OPHN1: variants seen among roughly 807,000 people sequenced by gnomAD.
OPHN1 encodes oligophrenin-1.
In OPHN1, 11 loss-of-function variants were observed where a neutral mutation model predicts 60.7. The observed-to-expected ratio is 0.18, with a 90% CI of 0.11 to 0.30. The LOEUF (loss-of-function observed/expected upper bound fraction) is 0.30, where lower values mean the gene tolerates loss of function less well. Among genes scored for constraint, OPHN1 ranks in the 10% least tolerant of loss-of-function variants. The pLI, the probability that OPHN1 is intolerant of heterozygous loss-of-function variation, is 1.00. For synonymous variants in OPHN1, 226 were observed against 222.6 expected (o/e 1.02, Z -0.14); for missense variants, 449 against 611.0 (o/e 0.73, Z 2.80).
chrX:68,262,829 AAGGACAGGAC>A (rs4020603), intron 5 of OPHN1, among the ~76,000 whole-genome samples: 64 of 98,021 alleles, frequency 6.5e-4, no homozygotes, highest in African/African-American at 1.6e-3. Context: ...CAAGAAAGGA[AAGGACAGGAC>A]AGGACAGGAC....
Position 68,426,562 on chromosome X carries a change from AT to A in OPHN1, c.154+6304del, listed in dbSNP as rs1452108893. The stretch of plus-strand genomic sequence containing the variant: ...TTTCTGACATCTGTTTTATATATAT[AT>A]ATATATACATACACAGAGGCTGGGC... On this transcript the variant is annotated intron_variant, in intron 2 of 24. Coordinates refer to ENST00000355520, the MANE Select transcript of OPHN1 (RefSeq NM_002547.3). Among the ~76,000 whole-genome samples, 9 of 72,994 alleles carry A rather than the reference AT, an allele frequency of 1.2e-4. 1 individual carries two copies. The highest frequency in any genetic ancestry group is 2.3e-4 in the Non-Finnish European group (8 of 34,381). The allele number at this position is 72,994 out of a possible 115,157, so 63.4% of individuals were successfully genotyped here.
rs2147343704 is a variant in OPHN1 at position 68,048,399 on chromosome X, G to A, written c.*8+17C>T. The A allele has an allele frequency of 8.3e-7, 1 of 1,198,415 alleles. No individual in the cohort carries two copies. Among genetic ancestry groups the A allele is most frequent in the Admixed American group, 2.2e-5 (1 of 45,641 alleles). On this transcript the variant is annotated intron_variant, in intron 24 of 24. Transcript: ENST00000355520. ...ATGTGGAACAAGATTTTGTAATCAG[G>A]GATGGGGACTGCATACCTGTAGCCT...
chrX:68,330,591 G>A (rs2078289574), intron 2 of OPHN1, among the ~76,000 whole-genome samples: 1 of 109,837 alleles, frequency 9.1e-6, no homozygotes, highest in African/African-American at 3.3e-5. Context: ...TTGAGCCCAG[G>A]CGTTCGAGCC....
intron 15 of OPHN1, among the ~76,000 whole-genome samples, chrX:68,176,975 T>A (rs780272397): frequency 9.2e-5 from 7 of 75,998 alleles, no homozygotes; most frequent in Admixed American, 2.7e-4. Context: ...TATATATACA[T>A]ATATATATAT....
intron 2 of OPHN1, among the ~76,000 whole-genome samples, chrX:68,422,634 G>T (rs750671235): frequency 1.7e-5 from 1 of 59,386 alleles, no homozygotes; most frequent in Non-Finnish European, 3.6e-5. Context: ...GAAAGAAAAA[G>T]GAAGGAAGGA....
intron 3 of OPHN1, among the ~76,000 whole-genome samples, chrX:68,295,706 A>T (rs1249345658): frequency 8.9e-6 from 1 of 112,184 alleles, no homozygotes. Context: ...TTAGACATAA[A>T]CTATTCAGGG....
chrX:68,113,153 A>T, intron 17 of OPHN1, 28 bp downstream of exon 17: 1 of 1,151,669 alleles, frequency 8.7e-7, no homozygotes, highest in Non-Finnish European at 1.2e-6. Context: ...CTAGGACAAC[A>T]CAGTTAATTA....
chrX:68,314,144 A>G (rs769847218), intron 2 of OPHN1, among the ~76,000 whole-genome samples: 1 of 112,171 alleles, frequency 8.9e-6, no homozygotes, highest in African/African-American at 3.2e-5. Flanking sequence ...TCCTTGTAAC[A>G]CACAACCTAC....
At chrX:68,377,428 T>TA (rs1299406850) in intron 2 of OPHN1, among the ~76,000 whole-genome samples, 30 of 106,607 alleles carry the variant, frequency 2.8e-4, no homozygotes, top group African/African-American at 9.1e-4. Flanking sequence ...ATTTTTTATT[T>TA]TTTATTATTA....
intron 5 of OPHN1, among the ~76,000 whole-genome samples, chrX:68,239,543 C>T (rs1016989982): frequency 5.0e-4 from 56 of 111,369 alleles, no homozygotes; most frequent in Non-Finnish European, 9.2e-4. Flanking sequence ...GCCTGCCCCC[C>T]TCCCGTATCA....
intron 19 of OPHN1, among the ~76,000 whole-genome samples, chrX:68,093,087 T>C (rs1332886645): frequency 9.0e-6 from 1 of 111,269 alleles, no homozygotes; most frequent in Non-Finnish European, 1.9e-5. Context: ...CTTTACTATG[T>C]GGATGACCCT....
chrX:68,094,672 C>G (rs771504020), intron 19 of OPHN1, among the ~76,000 whole-genome samples: 1 of 111,277 alleles, frequency 9.0e-6, no homozygotes, highest in East Asian at 2.8e-4. Flanking sequence ...AACCCCCCTT[C>G]TATCTTACCC....
intron 15 of OPHN1, among the ~76,000 whole-genome samples, chrX:68,125,886 AAACT>A (rs1171174097): frequency 6.4e-5 from 6 of 93,337 alleles, no homozygotes; most frequent in East Asian, 3.6e-4. Flanking sequence ...TCAAAAAAAC[AAACT>A]AACAAACAAA....
rs2076834540 is a variant in OPHN1, at chrX:68,047,001, G to A, written c.*171C>T. On this transcript the variant is annotated 3_prime_UTR_variant, in exon 25 of 25. Coordinates refer to ENST00000355520, the MANE Select transcript of OPHN1 (RefSeq NM_002547.3). ...CAAAGGAGATATAAACACCTGTCTA[G>A]GACATATGCTCCTTATTTTATGGCC... is the stretch of plus-strand genomic sequence containing the variant. 1 of 111,693 alleles carries A rather than the reference G, an allele frequency of 9.0e-6. No homozygotes were observed. The highest frequency in any genetic ancestry group is 9.5e-5 in the Admixed American group (1 of 10,518). The allele number at this position is 111,693 out of a possible 1,213,427, so 9.2% of individuals were successfully genotyped here.
rs142880452 is a variant in OPHN1, at chrX:68,245,821, G to A, written c.385-11233C>T. ...ATTATTTATTTATTTATGAATTTTT[G>A]AGTTGGAGTTTCACTCTTGTCACCC... On this transcript the variant is annotated intron_variant, in intron 5 of 24. Coordinates refer to ENST00000355520, the MANE Select transcript of OPHN1 (RefSeq NM_002547.3). Among the ~76,000 whole-genome samples the A allele has an allele frequency of 3.8e-3, 429 of 111,797 alleles. 14 individuals carry two copies. The East Asian group carries it at 0.077, about 20-fold the overall frequency.
At chrX:68,268,322 G>A (rs1172613135) in intron 5 of OPHN1, among the ~76,000 whole-genome samples, 2 of 111,512 alleles carry the variant, frequency 1.8e-5, no homozygotes, top group South Asian at 3.8e-4. Context: ...CCTGATGAAC[G>A]TAAATGCAAA....
intron 19 of OPHN1, among the ~76,000 whole-genome samples, chrX:68,096,426 A>C (rs779386445): frequency 9.0e-6 from 1 of 111,718 alleles, no homozygotes; most frequent in South Asian, 3.8e-4. Flanking sequence ...TTATTAAATA[A>C]ATTTGTATGC....
intron 2 of OPHN1, among the ~76,000 whole-genome samples, chrX:68,394,868 A>C (rs945484671): frequency 4.5e-5 from 5 of 110,720 alleles, no homozygotes; most frequent in African/African-American, 1.6e-4. Flanking sequence ...GCTTGTCTCA[A>C]CTCCTGACCT....
intron 2 of OPHN1, among the ~76,000 whole-genome samples, chrX:68,319,890 A>T (rs1483629740): frequency 1.8e-5 from 2 of 110,978 alleles, no homozygotes; most frequent in Non-Finnish European, 3.8e-5. Context: ...CTCATATATA[A>T]AATTCTTTAT....
Sources: gnomAD v4.1 joint callset for allele counts (sites outside exome capture counted in the v4.1 genomes callset) on GRCh38, gnomAD v4.1.1 for gene constraint, MANE v1.5 for transcripts, NCBI Gene and HGNC (gene_info 2026-07-23, HGNC 2026-07-21) for gene names.